LMBR1: variants seen among roughly 807,000 people sequenced by gnomAD.
The protein encoded by LMBR1 is limb region 1 protein homolog.
LMBR1 carries 52 observed loss-of-function variants against 73.9 expected under a neutral mutation model. The observed-to-expected ratio is 0.70, with a 90% CI of 0.56 to 0.89. LMBR1 has a LOEUF of 0.89. Among genes scored for constraint, LMBR1 ranks in the 40% least tolerant of loss-of-function variants. LMBR1 has a pLI of 0.00. For synonymous variants in LMBR1, 215 were observed against 209.4 expected, an observed-to-expected ratio of 1.03 and a Z score of -0.23; for missense variants, 539 against 579.8, an observed-to-expected ratio of 0.93 and a Z score of 0.72.
chr7:156,672,607 G>A (rs1348724880), intron 4 of LMBR1, among the ~76,000 whole-genome samples: 1 of 152,226 alleles, frequency 6.6e-6, no homozygotes, highest in Non-Finnish European at 1.5e-5. Flanking sequence ...ACTCATTTAT[G>A]TAACATCAGG....
chr7:156,814,896 C>T (rs1027614604), intron 4 of LMBR1, among the ~76,000 whole-genome samples: 1 of 152,164 alleles, frequency 6.6e-6, no homozygotes, highest in African/African-American at 2.4e-5. Context: ...GTGGTTCACA[C>T]CTGTAATCCC....
intron 15 of LMBR1, among the ~76,000 whole-genome samples, chr7:156,697,534 C>G (rs577677550): frequency 3.0e-4 from 45 of 152,054 alleles, no homozygotes; most frequent in Non-Finnish European, 6.3e-4. Flanking sequence ...GTTTATAGAC[C>G]TCCCCCCAGG....
chr7:156,880,777 C>T lies in LMBR1; in HGVS notation c.66+12151G>A, dbSNP rs576044888. Among the ~76,000 whole-genome samples, 139 of 152,152 alleles carry T rather than the reference C, an allele frequency of 9.1e-4. 1 individual carries two copies. Among genetic ancestry groups the T allele is most frequent in the African/African-American group, 3.0e-3 (126 of 41,512 alleles). ...AAGTGATTCTCCTGCCTCAGCCTCC[C>T]GAGTAGCTGGGATTACAGGCATGCG... is the stretch of plus-strand genomic sequence containing the variant. On this transcript the variant is annotated intron_variant, in intron 1 of 16. Coordinates refer to ENST00000353442, the MANE Select transcript of LMBR1 (RefSeq NM_022458.4).
intron 5 of LMBR1, among the ~76,000 whole-genome samples, chr7:156,786,248 G>A (rs1828073245): frequency 6.9e-6 from 1 of 145,170 alleles, no homozygotes; most frequent in Admixed American, 6.8e-5. Flanking sequence ...AAGGAGGAAG[G>A]AGGAAGGAGG....
intron 15 of LMBR1, among the ~76,000 whole-genome samples, chr7:156,688,642 G>A (rs908082435): frequency 1.3e-5 from 2 of 151,984 alleles, no homozygotes; most frequent in Admixed American, 6.6e-5. Flanking sequence ...GGAACTGCCC[G>A]TCCCCTCTCT....
intron 15 of LMBR1, among the ~76,000 whole-genome samples, chr7:156,693,740 TAAACTGATCCAA>T (rs948943966): frequency 1.2e-4 from 19 of 152,220 alleles, no homozygotes; most frequent in African/African-American, 4.6e-4. Flanking sequence ...GAACTCTTCA[TAAACTGATCCAA>T]AAACAGAAAA....
rs142553465 is a variant in LMBR1 at position 156,848,026 on chromosome 7, T to C, written c.67-11141A>G. 2.2e-3 allele frequency among the ~76,000 whole-genome samples: 336 copies of C among 150,702 alleles called. 3 individuals carry two copies. Among genetic ancestry groups the C allele is most frequent in the Non-Finnish European group, 3.5e-3 (236 of 67,652 alleles). ...TGGAAGGAATCAAGATATCCTTCAATAGGTAAATAACTAAAATGTAGAAGA... is the reference window on the plus strand; with the variant it reads ...TGGAAGGAATCAAGATATCCTTCAACAGGTAAATAACTAAAATGTAGAAGA... On this transcript the variant is annotated intron_variant, in intron 1 of 16. Coordinates refer to ENST00000353442, the MANE Select transcript of LMBR1 (RefSeq NM_022458.4).
chr7:156,820,753 G>A (rs1834649250), intron 4 of LMBR1, among the ~76,000 whole-genome samples: 1 of 152,164 alleles, frequency 6.6e-6, no homozygotes, highest in African/African-American at 2.4e-5. Context: ...CTGGTTTACT[G>A]AGCGGCCTGA....
chr7:156,710,204 C>G (rs1461979661), intron 15 of LMBR1, among the ~76,000 whole-genome samples: 1 of 151,790 alleles, frequency 6.6e-6, no homozygotes, highest in Non-Finnish European at 1.5e-5. Flanking sequence ...CGTGCCCGGC[C>G]CAGAAGGTTG....
intron 1 of LMBR1, among the ~76,000 whole-genome samples, chr7:156,871,459 C>T (rs781534892): frequency 5.3e-5 from 8 of 152,186 alleles, no homozygotes; most frequent in Non-Finnish European, 1.2e-4. Flanking sequence ...CAGCATTTCC[C>T]TGATACCAAA....
intron 1 of LMBR1, among the ~76,000 whole-genome samples, chr7:156,879,556 C>T (rs1181679148): frequency 1.3e-5 from 2 of 150,558 alleles, no homozygotes; most frequent in African/African-American, 2.4e-5. Context: ...CCCAGCTACT[C>T]GGAGGGCTGA....
intron 4 of LMBR1, among the ~76,000 whole-genome samples, chr7:156,820,282 A>G (rs1053859059): frequency 2.6e-5 from 4 of 152,172 alleles, no homozygotes; most frequent in African/African-American, 9.7e-5. Flanking sequence ...AGTAAAGACC[A>G]CTAGAAGCAG....
intron 1 of LMBR1, among the ~76,000 whole-genome samples, chr7:156,889,202 C>T (rs899812995): frequency 1.3e-5 from 2 of 152,110 alleles, no homozygotes; most frequent in Non-Finnish European, 2.9e-5. Context: ...ATAGGCAGAA[C>T]CAGCAGCTGG....
At chr7:156,883,225 C>T (rs914334991) in intron 1 of LMBR1, among the ~76,000 whole-genome samples, 1 of 151,992 alleles carries the variant, frequency 6.6e-6, no homozygotes, top group African/African-American at 2.4e-5. Context: ...ACAGGTGAAA[C>T]CTGTCTCTAC....
At chr7:156,715,215 G>GACCCA (rs1356539338) in intron 15 of LMBR1, among the ~76,000 whole-genome samples, 2 of 152,092 alleles carry the variant, frequency 1.3e-5, no homozygotes, top group African/African-American at 4.8e-5. Context: ...GCCTCCCAAA[G>GACCCA]TGCTGGGATT....
rs750766553 is a variant in LMBR1, at chr7:156,893,007, C to T, written c.-14G>A. 3 of 1,505,498 alleles carry T rather than the reference C, an allele frequency of 2.0e-6. No individual in the cohort carries two copies. Among genetic ancestry groups the T allele is most frequent in the Non-Finnish European group, 8.8e-7 (1 of 1,133,792 alleles). The allele number at this position is 1,505,498 out of a possible 1,614,324, so 93.3% of individuals were successfully genotyped here. A position where few individuals can be genotyped will look rare whatever the true frequency, so the allele number is the denominator to read the frequency against. The stretch of plus-strand genomic sequence containing the variant: ...CTGCCCTTCCATCCTCCTTCATGCC[C>T]GCCGCCGCGCCGCCCGCGTCCGCGT... On this transcript the variant is annotated 5_prime_UTR_variant, in exon 1 of 17. Transcript: ENST00000353442.
At chr7:156,853,306 T>C (rs985157937) in intron 1 of LMBR1, among the ~76,000 whole-genome samples, 1 of 152,048 alleles carries the variant, frequency 6.6e-6, no homozygotes, top group Non-Finnish European at 1.5e-5. Context: ...CACTAATATA[T>C]TGTAATAAGC....
rs906493681 is a variant in LMBR1, at chr7:156,669,855, G to A, written n.867-568C>T. 1.3e-5 allele frequency among the ~76,000 whole-genome samples: 2 copies of A among 152,182 alleles called. No individual in the cohort carries two copies. Among genetic ancestry groups the A allele is most frequent in the Middle Eastern group, 3.2e-3 (1 of 316 alleles). On this transcript the variant is annotated intron_variant and non_coding_transcript_variant, in intron 4 of 4. Coordinates refer to the LMBR1 transcript ENST00000430825. This position sits in a 1 kb window ranked among gnomAD's most constrained non-coding sequence, Gnocchi z 4.2. ...AGACGTGCAGTTGGGCCTGCAGCACGCAGGGCTTGGGGACTCTGTTCCAGG... is the reference window on the plus strand; with the variant it reads ...AGACGTGCAGTTGGGCCTGCAGCACACAGGGCTTGGGGACTCTGTTCCAGG...
chr7:156,857,992 A>G (rs2134156491), intron 1 of LMBR1, among the ~76,000 whole-genome samples: 1 of 152,014 alleles, frequency 6.6e-6, no homozygotes, highest in South Asian at 2.1e-4. Context: ...TACATTACAG[A>G]AGAAGAAATA....
Sources: gnomAD v4.1 joint callset for allele counts (sites outside exome capture counted in the v4.1 genomes callset) on GRCh38, gnomAD v4.1.1 for gene constraint, Gnocchi (gnomAD v3.1) non-coding constraint, MANE v1.5 for transcripts, NCBI Gene and HGNC (gene_info 2026-07-23, HGNC 2026-07-21) for gene names.